The following PHF8 variants were observed in gnomAD, a reference collection of about 807,000 sequenced individuals.
PHF8 encodes the protein histone lysine demethylase PHF8.
Under a neutral mutation model 74.4 loss-of-function variants are expected in PHF8, and 9 were observed. The observed-to-expected ratio is 0.12, with a 90% CI of 0.07 to 0.21. The LOEUF (loss-of-function observed/expected upper bound fraction) is 0.21, where lower values mean the gene tolerates loss of function less well. PHF8 is among the 10% of genes least tolerant of loss of function. The pLI is 1.00. For synonymous variants in PHF8, 311 were observed against 316.6 expected (o/e 0.98, Z 0.19); for missense variants, 478 against 816.6 (o/e 0.59, Z 5.05).
chrX:53,975,966 A>G (rs181516715), intron 18 of PHF8, among the ~76,000 whole-genome samples: 1 of 111,653 alleles, frequency 9.0e-6, no homozygotes, highest in Admixed American at 9.6e-5. Context: ...TATCACATGT[A>G]ACCCCAAAAT....
rs782135708 is a variant in PHF8, at chrX:53,937,037, C to G, written c.*2121G>C. 1 of 110,848 alleles carries G rather than the reference C, an allele frequency of 9.0e-6. No homozygotes were observed. Among genetic ancestry groups the G allele is most frequent in the Non-Finnish European group, 1.9e-5 (1 of 52,863 alleles). 9.1% of individuals were successfully genotyped at this position (110,848 alleles called of 1,213,427 possible). A position where few individuals can be genotyped will look rare whatever the true frequency, so the allele number is the denominator to read the frequency against. On this transcript the variant is annotated 3_prime_UTR_variant, in exon 22 of 22. Transcript: ENST00000338154. ...CTCATGGTGTTCTAAACCTTGATTACTAACACTCCCAACCCCTCCCCAACT... is the reference window on the plus strand; with the variant it reads ...CTCATGGTGTTCTAAACCTTGATTAGTAACACTCCCAACCCCTCCCCAACT...
At chrX:54,023,693 C>T (rs1557110632) in intron 2 of PHF8, among the ~76,000 whole-genome samples, 1 of 107,591 alleles carries the variant, frequency 9.3e-6, no homozygotes, top group African/African-American at 3.4e-5. Flanking sequence ...AAATTGAGAC[C>T]CCCATCTCTA....
At chrX:53,955,566 T>TC (rs1281109410) in intron 19 of PHF8, among the ~76,000 whole-genome samples, 2 of 103,330 alleles carry the variant, frequency 1.9e-5, no homozygotes, top group African/African-American at 7.0e-5. Context: ...TCTTTTTTTT[T>TC]TTTTTTTTTT....
chrX:53,967,365 G>T (rs1557093240), intron 18 of PHF8, among the ~76,000 whole-genome samples: 1 of 67,694 alleles, frequency 1.5e-5, no homozygotes, highest in Non-Finnish European at 2.9e-5. Context: ...GGAGGGAGGT[G>T]GGGGGTCAGC....
At chrX:54,002,797 G>A in intron 8 of PHF8, 115 bp from the exon 9 acceptor site, 1 of 534,146 alleles carries the variant, frequency 1.9e-6, no homozygotes, top group Admixed American at 2.6e-5. Flanking sequence ...CTCCAAACTG[G>A]CTTCCCAACA....
At chrX:54,014,262 AT>A (rs2066027457) in intron 7 of PHF8, 114 bp downstream of exon 7, 10 of 622,852 alleles carry the variant, frequency 1.6e-5, no homozygotes, top group Non-Finnish European at 2.4e-5. Context: ...GCCAAATCAA[AT>A]TTTTTTTATT....
intron 12 of PHF8, chrX:53,995,133 C>A: frequency 2.9e-6 from 1 of 342,180 alleles, no homozygotes; most frequent in Non-Finnish European, 5.9e-6. Context: ...TCTCTTACCA[C>A]TATACCTTAC....
At chrX:54,009,775 G>A (rs1359153560) in intron 8 of PHF8, among the ~76,000 whole-genome samples, 5 of 94,924 alleles carry the variant, frequency 5.3e-5, no homozygotes, top group East Asian at 6.8e-4. Flanking sequence ...CCTGGGAGGC[G>A]GAGGTTGCAG....
rs1179805664 is a variant in PHF8 at position 53,939,133 on chromosome X, G to T, written c.*25C>A. 8.3e-7 allele frequency: 1 copy of T among 1,206,469 alleles called. No individual in the cohort carries two copies. The highest frequency in any genetic ancestry group is 1.1e-6 in the Non-Finnish European group (1 of 891,543). ...ATGGAGAAGGCAATGGGGGTAAAGG[G>T]GTGAGGGGTGGGACACAGGAGGGCT... On this transcript the variant is annotated 3_prime_UTR_variant, in exon 22 of 22. Coordinates refer to ENST00000338154, the MANE Select transcript of PHF8 (RefSeq NM_015107.3).
chrX:53,993,825 G>T lies in PHF8; in HGVS notation c.1402C>A (p.Leu468Ile). ...QRIFPAGSIP[L>I]TRPAHSTSVS... ...GAAGTGGAATGGGCTGGCCTGGTTA[G>T]GGGAATGGAGCCGGCTGGGAAGATC... The change falls in exon 13 of 22, where the codon CTA becomes ATA. Residue 468 changes from leucine to isoleucine, a missense_variant. Around this residue, in one of 9 missense-constraint regions of PHF8, gnomAD observed 153 missense variants for 164.8 expected, o/e 0.93. Transcript: ENST00000338154. 1 of 1,207,339 alleles carries T rather than the reference G, an allele frequency of 8.3e-7. No homozygotes were observed.
chrX:53,944,724 T>C (rs782769984), intron 19 of PHF8, among the ~76,000 whole-genome samples: 10 of 111,880 alleles, frequency 8.9e-5, no homozygotes, highest in Non-Finnish European at 1.5e-4. Context: ...TCTCTAAAAA[T>C]AGAACAATAA....
At chrX:53,955,563 T>TC (rs1351168605) in intron 19 of PHF8, among the ~76,000 whole-genome samples, 7 of 102,556 alleles carry the variant, frequency 6.8e-5, no homozygotes, top group Admixed American at 4.3e-4. Context: ...TTTTCTTTTT[T>TC]TTTTTTTTTT....
intron 2 of PHF8, among the ~76,000 whole-genome samples, chrX:54,023,330 A>T (rs2066209146): frequency 8.9e-6 from 1 of 111,756 alleles, no homozygotes; most frequent in African/African-American, 3.3e-5. Flanking sequence ...AAGACTAAAA[A>T]AAAAAATTTA....
rs188192339 is a variant in PHF8 at position 53,960,144 on chromosome X, C to T, written c.2539+2700G>A. On this transcript the variant is annotated intron_variant, in intron 19 of 21. Coordinates refer to ENST00000338154, the MANE Select transcript of PHF8 (RefSeq NM_015107.3). ...AGGCTGGAGTGTAGTGGCGCGATCT[C>T]GGCTCACTGCAAGCTCCACCTCTCA... Among the ~76,000 whole-genome samples, 334 of 108,516 alleles carry T rather than the reference C, an allele frequency of 3.1e-3. 3 individuals carry two copies. Among genetic ancestry groups the T allele is most frequent in the African/African-American group, 0.011 (315 of 29,894 alleles). 94.2% of individuals were successfully genotyped at this position (108,516 alleles called of 115,157 possible).
chrX:54,010,001 A>G (rs1307072836), intron 8 of PHF8, among the ~76,000 whole-genome samples: 1 of 109,068 alleles, frequency 9.2e-6, no homozygotes, highest in Non-Finnish European at 1.9e-5. Context: ...GAGACTTGGA[A>G]GACATCAAAA....
intron 18 of PHF8, among the ~76,000 whole-genome samples, chrX:53,980,627 C>T (rs2065465360): frequency 8.9e-6 from 1 of 111,999 alleles, no homozygotes; most frequent in Non-Finnish European, 1.9e-5. Flanking sequence ...CAACTCAAGA[C>T]AATAAACTGA....
intron 2 of PHF8, among the ~76,000 whole-genome samples, chrX:54,035,284 G>T (rs891923060): frequency 9.3e-6 from 1 of 107,539 alleles, no homozygotes; most frequent in East Asian, 2.9e-4. Flanking sequence ...TTGAACCCAG[G>T]AGGCAGAGGT....
At chrX:53,978,858 T>C (rs782108976) in intron 18 of PHF8, among the ~76,000 whole-genome samples, 21 of 106,414 alleles carry the variant, frequency 2.0e-4, no homozygotes, top group Admixed American at 1.9e-3. Context: ...AAATATTACA[T>C]ACTGCATAAT....
chrX:54,044,026 C>G lies in PHF8; in HGVS notation c.-357G>C, dbSNP rs895939374. 1.4e-4 allele frequency: 107 copies of G among 754,359 alleles called. No homozygotes were observed. Among genetic ancestry groups the G allele is most frequent in the Non-Finnish European group, 1.6e-4 (103 of 639,355 alleles). The allele number at this position is 754,359 out of a possible 1,213,427, so 62.2% of individuals were successfully genotyped here. ...GGATAGTCCCCGTACCGCCGGGAAC[C>G]TCGCTCGCCTTCCCCTCGAGCCCCC... On this transcript the variant is annotated 5_prime_UTR_variant, in exon 1 of 22. Transcript: ENST00000338154.
Sources: allele counts gnomAD v4.1 joint callset (sites outside exome capture counted in the v4.1 genomes callset), GRCh38; gene constraint gnomAD v4.1.1; regional missense constraint gnomAD v4.1.1; transcripts MANE v1.5; gene names NCBI Gene and HGNC (gene_info 2026-07-23, HGNC 2026-07-21).